Variants in CCSER1 observed in about 807,000 individuals in gnomAD.
The protein encoded by CCSER1 is serine-rich coiled-coil domain-containing protein 1.
Under a neutral mutation model 82.0 loss-of-function variants are expected in CCSER1, and 41 were observed. The ratio of observed to expected loss-of-function variants is 0.50; its 90% confidence interval spans 0.39 to 0.65. The LOEUF (loss-of-function observed/expected upper bound fraction) is 0.65. Among genes scored for constraint, CCSER1 ranks in the 30% least tolerant of loss-of-function variants. CCSER1 has a pLI of 0.00. For missense variants in CCSER1, 1,119 were observed against 1,064.2 expected, an observed-to-expected ratio of 1.05 and a Z score of -0.72; for synonymous variants, 414 against 383.9, an observed-to-expected ratio of 1.08 and a Z score of -0.92.
At chr4:91,237,521 C>T (rs7663809) in intron 10 of CCSER1, among the ~76,000 whole-genome samples, 1 of 151,908 alleles carries the variant, frequency 6.6e-6, no homozygotes, top group Non-Finnish European at 1.5e-5. Context: ...TTCTTTTTCT[C>T]TCAAAATTAT....
At chr4:91,128,722 ACT>A (rs1727729475) in intron 10 of CCSER1, among the ~76,000 whole-genome samples, 1 of 152,002 alleles carries the variant, frequency 6.6e-6, no homozygotes, top group South Asian at 2.1e-4. Context: ...AGGGCCTGTG[ACT>A]CTGAGTTTAT....
chr4:90,578,470 T>C (rs551829340), intron 5 of CCSER1, among the ~76,000 whole-genome samples: 14 of 152,250 alleles, frequency 9.2e-5, no homozygotes, highest in African/African-American at 3.4e-4. Context: ...ACCCTACCTT[T>C]TGCCTATTCT....
chr4:90,480,482 G>A (rs1460592967), intron 5 of CCSER1, among the ~76,000 whole-genome samples: 1 of 152,218 alleles, frequency 6.6e-6, no homozygotes, highest in African/African-American at 2.4e-5. Context: ...TATTGCCTAG[G>A]TTTTCTTCTA....
At chr4:90,647,491 A>G in intron 6 of CCSER1, among the ~76,000 whole-genome samples, 1 of 152,198 alleles carries the variant, frequency 6.6e-6, no homozygotes, top group East Asian at 1.9e-4. Context: ...CATGAAAATT[A>G]AAACATAAAA....
intron 10 of CCSER1, among the ~76,000 whole-genome samples, chr4:91,378,939 T>G (rs1219946811): frequency 6.6e-6 from 1 of 152,210 alleles, no homozygotes; most frequent in Non-Finnish European, 1.5e-5. Flanking sequence ...ATACCTAATT[T>G]ATTGAGAGTT....
At chr4:90,324,141 T>G (rs908516627) in intron 3 of CCSER1, among the ~76,000 whole-genome samples, 11 of 152,332 alleles carry the variant, frequency 7.2e-5, no homozygotes, top group Admixed American at 6.5e-4. Flanking sequence ...CGTGTGCATG[T>G]GTCTTTATAG....
chr4:90,249,057 A>T (rs540190886), intron 1 of CCSER1, among the ~76,000 whole-genome samples: 1 of 133,138 alleles, frequency 7.5e-6, no homozygotes, highest in Admixed American at 7.5e-5. Flanking sequence ...AAATGTCTAG[A>T]TTATAATTAC....
At chr4:90,247,495 GATTTT>G (rs1284156855) in intron 1 of CCSER1, among the ~76,000 whole-genome samples, 1 of 152,082 alleles carries the variant, frequency 6.6e-6, no homozygotes, top group Non-Finnish European at 1.5e-5. Context: ...CACACCATCA[GATTTT>G]ATTTTAAAGC....
At chr4:90,449,342 G>A (rs1169218375) in intron 4 of CCSER1, among the ~76,000 whole-genome samples, 1 of 152,176 alleles carries the variant, frequency 6.6e-6, no homozygotes, top group African/African-American at 2.4e-5. Context: ...CCATGGGCAG[G>A]CCTGGAAAAA....
Position 90,469,181 on chromosome 4 carries a change from T to G in CCSER1, c.1724+827T>G, listed in dbSNP as rs558337876. Among the ~76,000 whole-genome samples, 21 of 152,218 alleles carry G rather than the reference T, an allele frequency of 1.4e-4. No individual in the cohort carries two copies. The South Asian group carries it at 3.1e-3, about 23-fold the overall frequency. On this transcript the variant is annotated intron_variant, in intron 5 of 10. Transcript: ENST00000509176. ...TACCTACCATTTTTCTCCATTGGAT[T>G]ACACTGTGTTATAGTTATTTGCTTC...
At chr4:91,325,940 C>T (rs889480598) in intron 10 of CCSER1, among the ~76,000 whole-genome samples, 48 of 151,380 alleles carry the variant, frequency 3.2e-4, no homozygotes, top group Non-Finnish European at 5.0e-4. Flanking sequence ...TAGAAATGAA[C>T]GTCCATCTTC....
At chr4:90,823,880 A>T (rs1189935978) in intron 8 of CCSER1, among the ~76,000 whole-genome samples, 2 of 151,980 alleles carry the variant, frequency 1.3e-5, no homozygotes, top group African/African-American at 4.8e-5. Context: ...TATTACATTT[A>T]TTAAAATTTA....
chr4:91,318,158 C>A (rs573156825), intron 10 of CCSER1, among the ~76,000 whole-genome samples: 2 of 151,782 alleles, frequency 1.3e-5, no homozygotes, highest in African/African-American at 4.8e-5. Flanking sequence ...ATGTGAGGGG[C>A]ACAACCTTAG....
intron 8 of CCSER1, among the ~76,000 whole-genome samples, chr4:90,843,964 C>T (rs1359490370): frequency 6.6e-6 from 1 of 152,010 alleles, no homozygotes; most frequent in Non-Finnish European, 1.5e-5. Context: ...TTTCAGTACT[C>T]TTGAGACTCA....
intron 7 of CCSER1, among the ~76,000 whole-genome samples, chr4:90,737,295 A>G (rs1452578253): frequency 6.6e-6 from 1 of 152,150 alleles, no homozygotes; most frequent in African/African-American, 2.4e-5. Context: ...TTCTTGTAGG[A>G]CAGGTTTGGT....
intron 8 of CCSER1, among the ~76,000 whole-genome samples, chr4:90,855,488 A>G (rs1350167474): frequency 6.6e-6 from 1 of 152,208 alleles, no homozygotes; most frequent in Non-Finnish European, 1.5e-5. Flanking sequence ...AGCTAAAGAA[A>G]AAATGAAAAA....
chr4:90,397,142 T>A (rs575447517), intron 3 of CCSER1, among the ~76,000 whole-genome samples: 1 of 152,336 alleles, frequency 6.6e-6, no homozygotes, highest in Non-Finnish European at 1.5e-5. Context: ...AGTTGCTTTG[T>A]AAGCACAATA....
At chr4:90,543,492 T>C (rs1301131267) in intron 5 of CCSER1, among the ~76,000 whole-genome samples, 1 of 152,144 alleles carries the variant, frequency 6.6e-6, no homozygotes, top group Non-Finnish European at 1.5e-5. Context: ...TTTCAAAACC[T>C]TGTGGGTGAT....
chr4:90,492,691 T>C (rs1768248565), intron 5 of CCSER1, among the ~76,000 whole-genome samples: 1 of 152,210 alleles, frequency 6.6e-6, no homozygotes. Flanking sequence ...CTGCTTTAAA[T>C]GTGTCCCAGA....
Sources: allele counts gnomAD v4.1 joint callset (sites outside exome capture counted in the v4.1 genomes callset), GRCh38; gene constraint gnomAD v4.1.1; transcripts MANE v1.5; gene names NCBI Gene and HGNC (gene_info 2026-07-23, HGNC 2026-07-21).